Variants in HADHA observed in about 807,000 individuals in gnomAD.
HADHA encodes the protein hydroxyacyl-CoA dehydrogenase trifunctional multienzyme complex subunit alpha, also known as trifunctional enzyme subunit alpha, mitochondrial.
A neutral mutation model predicts 91.3 loss-of-function variants in HADHA; 59 were observed. The observed-to-expected ratio is 0.65, with a 90% CI of 0.52 to 0.80. The LOEUF is 0.80. Ranked by LOEUF, HADHA falls within the 30% of genes least tolerant of loss-of-function variation. The probability of loss-of-function intolerance (pLI) is 0.00; values close to 1 mark genes in which losing one functional copy is unlikely to be tolerated. For missense variants in HADHA, 800 were observed against 927.6 expected (o/e 0.86, Z 1.79); for synonymous variants, 320 against 338.9 (o/e 0.94, Z 0.61).
rs190409957 is a variant in HADHA at position 26,193,674 on chromosome 2, C to T, written c.1788G>A (p.Ala596=). The part of the protein sequence containing the change: ...TLVDEVGVDV[A]KHVAEDLGKV... ...TGCCCAGATCTTCCGCCACATGTTTCGCTACATCCACACCAACTTCATCCA... is the reference window on the plus strand; with the variant it reads ...TGCCCAGATCTTCCGCCACATGTTTTGCTACATCCACACCAACTTCATCCA... The change falls in exon 17 of 20, where the codon GCG becomes GCA. Residue 596 remains alanine (A), a synonymous_variant. Transcript: ENST00000380649. The T allele has an allele frequency of 5.8e-5, 93 of 1,614,014 alleles. No homozygotes were observed. In the East Asian group the frequency reaches 8.5e-4, roughly 15 times the overall value.
At position 26,209,823 on chromosome 2, in the gene HADHA, G is replaced by A; in HGVS notation, c.1042C>T (p.Leu348=). ...GCTCCAAATTTATTCTTCTTGCACA[G>A]GACCTGACCATGGTAGAGTCCCATC... The part of the protein sequence containing the change: ...ALMGLYHGQV[L]CKKNKFGAPQ... The change falls in exon 11 of 20, where the codon CTG becomes TTG. Residue 348 remains leucine, a synonymous_variant. Coordinates refer to ENST00000380649, the MANE Select transcript of HADHA (RefSeq NM_000182.5). The A allele has an allele frequency of 3.7e-6, 6 of 1,604,262 alleles. No individual in the cohort carries two copies. Among genetic ancestry groups the A allele is most frequent in the Non-Finnish European group, 5.1e-6 (6 of 1,171,080 alleles).
At chr2:26,226,209 A>G (rs1670481213) in intron 7 of HADHA, among the ~76,000 whole-genome samples, 1 of 152,332 alleles carries the variant, frequency 6.6e-6, no homozygotes. Flanking sequence ...TACCATGTTC[A>G]TGGATGAAAT....
At chr2:26,236,799 T>C in intron 4 of HADHA, 56 bp downstream of exon 4, 1 of 1,381,170 alleles carries the variant, frequency 7.2e-7, no homozygotes, top group African/African-American at 1.4e-5. Context: ...TTATTAGGCC[T>C]AAGAAACACA....
chr2:26,205,399 T>G (rs533622762), intron 11 of HADHA, among the ~76,000 whole-genome samples: 5 of 152,186 alleles, frequency 3.3e-5, no homozygotes, highest in Non-Finnish European at 7.4e-5. Flanking sequence ...TAAATGCAGC[T>G]TTGTAATGGT....
chr2:26,215,008 C>A (rs567202111), intron 8 of HADHA, 45 bp downstream of exon 8: 1 of 1,536,770 alleles, frequency 6.5e-7, no homozygotes, highest in East Asian at 2.2e-5. Flanking sequence ...AAATTAAATT[C>A]TCAGGAAAGA....
intron 14 of HADHA, among the ~76,000 whole-genome samples, chr2:26,196,944 G>A (rs1198110625): frequency 6.6e-6 from 1 of 152,148 alleles, no homozygotes; most frequent in Non-Finnish European, 1.5e-5. Flanking sequence ...CTTCTAATCT[G>A]CTGTGTGCTA....
chr2:26,201,040 G>T, intron 13 of HADHA, 109 bp downstream of exon 13: 1 of 853,580 alleles, frequency 1.2e-6, no homozygotes, highest in Non-Finnish European at 2.0e-6. Flanking sequence ...CCTTTGAATA[G>T]TCCTTTTTAT....
intron 3 of HADHA, 87 bp downstream of exon 3, chr2:26,238,847 T>C (rs1040642457): frequency 3.5e-6 from 3 of 854,082 alleles, no homozygotes; most frequent in African/African-American, 1.7e-5. Flanking sequence ...ATTGGTAGAT[T>C]TGGGGAAATA....
intron 11 of HADHA, among the ~76,000 whole-genome samples, chr2:26,206,475 C>G (rs944161494): frequency 2.0e-5 from 3 of 152,118 alleles, no homozygotes; most frequent in African/African-American, 7.2e-5. Flanking sequence ...GTGATCCACG[C>G]ACCTCGGAAT....
chr2:26,204,311 G>T, intron 11 of HADHA, 115 bp from the exon 12 acceptor site: 1 of 915,952 alleles, frequency 1.1e-6, no homozygotes, highest in Non-Finnish European at 1.8e-6. Flanking sequence ...ACTATAAGGT[G>T]TTTCAAATAA....
At chr2:26,235,552 G>A (rs1015547227) in intron 4 of HADHA, among the ~76,000 whole-genome samples, 1 of 152,194 alleles carries the variant, frequency 6.6e-6, no homozygotes, top group Non-Finnish European at 1.5e-5. Flanking sequence ...TCAGTGTCTT[G>A]TTAGACTTTA....
chr2:26,200,683 T>C (rs189110372), intron 13 of HADHA, among the ~76,000 whole-genome samples: 2 of 152,322 alleles, frequency 1.3e-5, no homozygotes, highest in Admixed American at 6.5e-5. Flanking sequence ...CTTTATAACA[T>C]ATGCAGTGTG....
intron 6 of HADHA, among the ~76,000 whole-genome samples, chr2:26,231,097 G>A: frequency 1.3e-5 from 2 of 150,800 alleles, no homozygotes; most frequent in Middle Eastern, 6.8e-3. Context: ...ACCAGCTATA[G>A]TTTAAGAAAA....
At chr2:26,206,608 T>TG (rs1440998634) in intron 11 of HADHA, among the ~76,000 whole-genome samples, 4 of 152,138 alleles carry the variant, frequency 2.6e-5, no homozygotes, top group South Asian at 2.1e-4. Context: ...GTCCTACTTT[T>TG]GGGGGGGTTC....
chr2:26,218,625 G>A (rs1670295775), intron 7 of HADHA, among the ~76,000 whole-genome samples: 1 of 152,148 alleles, frequency 6.6e-6, no homozygotes, highest in Non-Finnish European at 1.5e-5. Context: ...GTATGTAGCA[G>A]TAAAATGTAT....
intron 4 of HADHA, 81 bp from the exon 5 acceptor site, chr2:26,234,436 T>A: frequency 8.5e-7 from 1 of 1,172,946 alleles, no homozygotes; most frequent in Non-Finnish European, 1.3e-6. Context: ...CACTATACAC[T>A]TATCCTATCA....
intron 1 of HADHA, 60 bp downstream of exon 1, chr2:26,244,470 C>A (rs1671024569): frequency 9.9e-6 from 15 of 1,521,254 alleles, no homozygotes; most frequent in Non-Finnish European, 1.3e-5. Flanking sequence ...GCTCCGGGGC[C>A]ACCCCAGTCC....
chr2:26,193,514 C>A, intron 17 of HADHA, 63 bp downstream of exon 17: 1 of 1,356,100 alleles, frequency 7.4e-7, no homozygotes, highest in South Asian at 1.2e-5. Context: ...ACTCTTTGGT[C>A]TCAGGAACTG....
intron 11 of HADHA, among the ~76,000 whole-genome samples, chr2:26,205,258 C>T (rs924458057): frequency 1.3e-5 from 2 of 152,140 alleles, no homozygotes; most frequent in African/African-American, 2.4e-5. Flanking sequence ...CCCAAGTTTA[C>T]AGCACTGTTA....
Sources: allele counts gnomAD v4.1 joint callset (sites outside exome capture counted in the v4.1 genomes callset), GRCh38; gene constraint gnomAD v4.1.1; transcripts MANE v1.5; gene names NCBI Gene and HGNC (gene_info 2026-07-23, HGNC 2026-07-21).